The following FYB1 variants were observed in gnomAD, a reference collection of about 807,000 sequenced individuals.
The protein encoded by FYB1 is FYN-binding protein 1.
Under a neutral mutation model 94.1 loss-of-function variants are expected in FYB1, and 41 were observed. That is an observed-to-expected ratio of 0.44 (90% CI 0.34 to 0.57). FYB1 has a LOEUF of 0.57. FYB1 is among the 20% of genes least tolerant of loss of function. The pLI, the probability that FYB1 is intolerant of heterozygous loss-of-function variation, is 0.02. For missense variants in FYB1, 1,050 were observed against 976.8 expected, an observed-to-expected ratio of 1.07 and a Z score of -1.00; for synonymous variants, 367 against 353.2, an observed-to-expected ratio of 1.04 and a Z score of -0.44.
At chr5:39,237,544 G>A (rs1335548793) in intron 1 of FYB1, among the ~76,000 whole-genome samples, 1 of 151,868 alleles carries the variant, frequency 6.6e-6, no homozygotes, top group Non-Finnish European at 1.5e-5. Flanking sequence ...ATCATTTCTT[G>A]CATAGGCTAT....
Position 39,255,694 on chromosome 5 carries a change from GTA to G in FYB1, c.-28+18707_-28+18708del, listed in dbSNP as rs545200659. Among the ~76,000 whole-genome samples the G allele has an allele frequency of 9.3e-4, 142 of 152,210 alleles. 1 individual carries two copies. The highest frequency in any genetic ancestry group is 3.3e-3 in the African/African-American group (137 of 41,542). On this transcript the variant is annotated intron_variant, in intron 1 of 1. Transcript: ENST00000510188. The stretch of plus-strand genomic sequence containing the variant: ...TGACTCTTTCTACATACCCAGAACT[GTA>G]TACTTTAAAGCCAAAGGGAAACTAT...
intron 16 of FYB1, among the ~76,000 whole-genome samples, chr5:39,115,169 A>C (rs898690385): frequency 2.0e-5 from 3 of 150,258 alleles, no homozygotes; most frequent in Non-Finnish European, 3.0e-5. Context: ...AATCTCGGCT[A>C]ACTGCAAACT....
intron 1 of FYB1, among the ~76,000 whole-genome samples, chr5:39,274,088 C>T (rs1316987317): frequency 6.6e-6 from 1 of 152,060 alleles, no homozygotes; most frequent in Non-Finnish European, 1.5e-5. Flanking sequence ...CCACACCTGG[C>T]TAATTTTTGT....
intron 2 of FYB1, among the ~76,000 whole-genome samples, chr5:39,168,286 TTC>T (rs1580444498): frequency 6.6e-6 from 1 of 152,236 alleles, no homozygotes; most frequent in Non-Finnish European, 1.5e-5. Flanking sequence ...ACTACATTTC[TTC>T]TTTCAATTAC....
At chr5:39,124,092 G>A (rs1351412814) in intron 13 of FYB1, among the ~76,000 whole-genome samples, 161 bp downstream of exon 13, 1 of 151,930 alleles carries the variant, frequency 6.6e-6, no homozygotes, top group African/African-American at 2.4e-5. Flanking sequence ...TTTTATCATT[G>A]AGCACCTGTG....
At position 39,272,026 on chromosome 5, in the gene FYB1, C is replaced by G. The variant is rs541004481; in HGVS notation, c.-28+2377G>C. ...AATAGAGATCATCAAAGTGCAGATA[C>G]AGCTTAGGGTAAAGAGAATCACTCT... is the stretch of plus-strand genomic sequence containing the variant. On this transcript the variant is annotated intron_variant, in intron 1 of 1. Transcript: ENST00000510188. 4.0e-5 allele frequency among the ~76,000 whole-genome samples: 6 copies of G among 151,834 alleles called. No individual in the cohort carries two copies. In the South Asian group the frequency reaches 1.3e-3, roughly 33 times the overall value.
At chr5:39,201,759 C>G in intron 2 of FYB1, 67 bp downstream of exon 2, 1 of 1,404,368 alleles carries the variant, frequency 7.1e-7, no homozygotes, top group Non-Finnish European at 9.7e-7. Flanking sequence ...AAAACTTTCC[C>G]CAGAAGCTAA....
At chr5:39,216,555 T>C (rs556147133) in intron 1 of FYB1, among the ~76,000 whole-genome samples, 48 of 152,264 alleles carry the variant, frequency 3.2e-4, no homozygotes, top group African/African-American at 1.1e-3. Flanking sequence ...CATGATGCTC[T>C]CTCTCCCCCT....
At chr5:39,205,684 T>A (rs75433305) in intron 1 of FYB1, among the ~76,000 whole-genome samples, 2,038 of 152,240 alleles carry the variant, frequency 0.013, 47 homozygotes, top group African/African-American at 0.047. Flanking sequence ...GGAACGTAAG[T>A]CTCTCAGCTG....
intron 3 of FYB1, 64 bp from the exon 4 acceptor site, chr5:39,141,205 A>G: frequency 2.9e-6 from 3 of 1,048,568 alleles, no homozygotes; most frequent in Non-Finnish European, 4.3e-6. Flanking sequence ...ACAATGAAAA[A>G]GGGAAAAGGA....
chr5:39,195,998 T>A (rs1747798668), intron 2 of FYB1, among the ~76,000 whole-genome samples: 1 of 152,140 alleles, frequency 6.6e-6, no homozygotes, highest in Non-Finnish European at 1.5e-5. Flanking sequence ...GAGTCAAGCT[T>A]ACAGTTTACA....
chr5:39,203,559 C>A (rs1251984931), intron 1 of FYB1, among the ~76,000 whole-genome samples: 2 of 152,070 alleles, frequency 1.3e-5, no homozygotes, highest in African/African-American at 4.8e-5. Flanking sequence ...GCAGAAAAAC[C>A]TTGCTCATTT....
chr5:39,126,153 A>G lies in FYB1; in HGVS notation c.1908-18T>C, dbSNP rs759977448. The G allele has an allele frequency of 6.2e-7, 1 of 1,610,976 alleles. No homozygotes were observed. Among genetic ancestry groups the G allele is most frequent in the Non-Finnish European group, 8.5e-7 (1 of 1,178,812 alleles). ...GTGTGGAGCTTTGGAGCATGCAGGC[A>G]TTGATCAGAATGTAATAATCAGCGG... On this transcript the variant is annotated intron_variant, in intron 11 of 18. Coordinates refer to ENST00000512982, the MANE Select transcript of FYB1 (RefSeq NM_001465.6).
intron 1 of FYB1, among the ~76,000 whole-genome samples, chr5:39,214,442 A>C (rs999270677): frequency 1.3e-5 from 2 of 152,242 alleles, no homozygotes; most frequent in African/African-American, 4.8e-5. Context: ...GGTAGATCCC[A>C]TGTTTATAGT....
intron 3 of FYB1, among the ~76,000 whole-genome samples, chr5:39,145,115 C>A (rs1040440061): frequency 2.0e-5 from 3 of 152,068 alleles, no homozygotes; most frequent in Non-Finnish European, 4.4e-5. Context: ...GTGAAAGGAA[C>A]GTGGAGGCTC....
chr5:39,227,465 G>A (rs1304677536), intron 1 of FYB1, among the ~76,000 whole-genome samples: 1 of 148,966 alleles, frequency 6.7e-6, no homozygotes, highest in Non-Finnish European at 1.5e-5. Flanking sequence ...AGTGGCTTAG[G>A]AAATAATTTA....
chr5:39,252,261 T>C (rs1751750615), intron 1 of FYB1, among the ~76,000 whole-genome samples: 1 of 151,252 alleles, frequency 6.6e-6, no homozygotes, highest in Non-Finnish European at 1.5e-5. Flanking sequence ...ACAGGGCATG[T>C]GTTGCAATAA....
chr5:39,124,401 A>T, intron 12 of FYB1, 123 bp from the exon 13 acceptor site: 1 of 546,866 alleles, frequency 1.8e-6, no homozygotes, highest in Non-Finnish European at 3.2e-6. Context: ...TCATCTGTTG[A>T]CCATCATTTC....
At chr5:39,258,616 A>C (rs1752073053) in intron 1 of FYB1, among the ~76,000 whole-genome samples, 1 of 152,090 alleles carries the variant, frequency 6.6e-6, no homozygotes, top group Admixed American at 6.6e-5. Context: ...AAAACAAAAC[A>C]ACAATAAGAA....
Sources: gnomAD v4.1 joint callset for allele counts (sites outside exome capture counted in the v4.1 genomes callset) on GRCh38, gnomAD v4.1.1 for gene constraint, MANE v1.5 for transcripts, NCBI Gene and HGNC (gene_info 2026-07-23, HGNC 2026-07-21) for gene names.